The following MON2 variants were observed in gnomAD, a reference collection of about 807,000 sequenced individuals.
MON2 encodes protein MON2 homolog.
MON2 carries 84 observed loss-of-function variants against 208.6 expected under a neutral mutation model. The ratio of observed to expected loss-of-function variants is 0.40; its 90% confidence interval spans 0.34 to 0.48. The LOEUF (loss-of-function observed/expected upper bound fraction) is 0.48, where lower values mean the gene tolerates loss of function less well. Ranked by LOEUF, MON2 falls within the 20% of genes least tolerant of loss-of-function variation. The probability of loss-of-function intolerance (pLI) is 0.59; values close to 1 mark genes in which losing one functional copy is unlikely to be tolerated. For synonymous variants in MON2, 660 were observed against 694.0 expected (o/e 0.95, Z 0.77); for missense variants, 1,611 against 2,015.4 (o/e 0.80, Z 3.84).
chr12:62,557,931 TATATATA>T (rs2074032828), intron 25 of MON2, among the ~76,000 whole-genome samples: 2 of 36,882 alleles, frequency 5.4e-5, no homozygotes, highest in African/African-American at 1.2e-4. Context: ...AATAGATTTA[TATATATA>T]TATATATATA....
At chr12:62,558,454 A>T (rs1387541254) in intron 25 of MON2, among the ~76,000 whole-genome samples, 1 of 152,150 alleles carries the variant, frequency 6.6e-6, no homozygotes, top group Non-Finnish European at 1.5e-5. Flanking sequence ...GACATAAAAT[A>T]TGTTAATAGA....
At position 62,580,324 on chromosome 12, in the gene MON2, C is replaced by A. The variant is rs537449140; in HGVS notation, c.4603C>A (p.Leu1535Ile). The change falls in exon 32 of 35, where the codon CTA becomes ATA. Residue 1535 changes from leucine (L) to isoleucine (I), a missense_variant. Transcript: ENST00000393630. ...AGTTCAACTTATCAGCAATGAGATA[C>A]TACCTTATGCCAATTTTATTCCTAA... ...EVVQLISNEILPYANFIPKEF... is the reference protein window; with the variant it reads ...EVVQLISNEIIPYANFIPKEF... The A allele has an allele frequency of 4.1e-5, 66 of 1,610,390 alleles. No homozygotes were observed. The highest frequency in any genetic ancestry group is 5.3e-5 in the Non-Finnish European group (62 of 1,177,364).
intron 1 of MON2, among the ~76,000 whole-genome samples, chr12:62,469,886 A>T (rs118014242): frequency 0.013 from 207 of 16,438 alleles, no homozygotes; most frequent in Middle Eastern, 0.11. Flanking sequence ...CTATTATTTT[A>T]TTTATTTATT....
At chr12:62,538,018 T>C in intron 16 of MON2, 78 bp from the exon 17 acceptor site, 1 of 1,304,902 alleles carries the variant, frequency 7.7e-7, no homozygotes, top group South Asian at 1.3e-5. Context: ...TAGAAGTTAC[T>C]ACTGATTTTA....
intron 8 of MON2, among the ~76,000 whole-genome samples, chr12:62,522,851 C>G (rs920249080): frequency 6.6e-6 from 1 of 152,112 alleles, no homozygotes; most frequent in African/African-American, 2.4e-5. Context: ...AGGAGAGAGC[C>G]TCTCTTTTTT....
chr12:62,538,211 C>T, intron 17 of MON2, 35 bp downstream of exon 17: 1 of 1,609,344 alleles, frequency 6.2e-7, no homozygotes, highest in South Asian at 1.1e-5. Context: ...ATTAGTGCAT[C>T]CCAAAGTGTC....
At chr12:62,470,929 G>A (rs898812325) in intron 1 of MON2, among the ~76,000 whole-genome samples, 3 of 152,192 alleles carry the variant, frequency 2.0e-5, no homozygotes, top group African/African-American at 4.8e-5. Flanking sequence ...CTGAAGCAAA[G>A]AGAGCAAAGT....
chr12:62,532,056 A>G (rs1466666954), intron 11 of MON2, among the ~76,000 whole-genome samples: 1 of 152,220 alleles, frequency 6.6e-6, no homozygotes, highest in African/African-American at 2.4e-5. Flanking sequence ...GGCGTGAGCC[A>G]CCACGCCCGG....
intron 25 of MON2, chr12:62,560,185 G>C (rs773588781): frequency 5.5e-4 from 126 of 227,730 alleles, no homozygotes; most frequent in Non-Finnish European, 1.0e-3. Flanking sequence ...TAGTGGTGAA[G>C]TCTGAGATTT....
intron 23 of MON2, 52 bp from the exon 24 acceptor site, chr12:62,552,829 T>C: frequency 7.2e-7 from 1 of 1,383,122 alleles, no homozygotes; most frequent in Non-Finnish European, 1.0e-6. Context: ...CATATTTATG[T>C]GTTTAAAACA....
chr12:62,549,242 T>C (rs1468890382), intron 22 of MON2, among the ~76,000 whole-genome samples: 2 of 152,166 alleles, frequency 1.3e-5, no homozygotes, highest in Admixed American at 1.3e-4. Flanking sequence ...TTATGATCAA[T>C]ATTAGGAGTT....
At chr12:62,512,841 T>A (rs2071482729) in intron 8 of MON2, among the ~76,000 whole-genome samples, 1 of 152,208 alleles carries the variant, frequency 6.6e-6, no homozygotes, top group African/African-American at 2.4e-5. Flanking sequence ...TTTCCATACA[T>A]CTTCTGAAAT....
At chr12:62,546,840 A>C in intron 21 of MON2, 57 bp from the exon 22 acceptor site, 1 of 1,317,324 alleles carries the variant, frequency 7.6e-7, no homozygotes. Flanking sequence ...AGCAACAGTA[A>C]AGCCTTCTTG....
chr12:62,471,342 C>T (rs1433283668), intron 1 of MON2, among the ~76,000 whole-genome samples: 2 of 152,138 alleles, frequency 1.3e-5, no homozygotes, highest in Non-Finnish European at 2.9e-5. Context: ...GCCACCACAC[C>T]TGGCTAATTT....
intron 33 of MON2, chr12:62,587,725 C>G (rs1451554652): frequency 4.9e-6 from 1 of 205,950 alleles, no homozygotes; most frequent in Non-Finnish European, 9.7e-6. Context: ...AGTGACAGAG[C>G]AAGACCCTGT....
chr12:62,520,111 G>A (rs1254392462), intron 8 of MON2, among the ~76,000 whole-genome samples: 1 of 152,228 alleles, frequency 6.6e-6, no homozygotes, highest in African/African-American at 2.4e-5. Flanking sequence ...ACCACACCCT[G>A]CCGACACTTT....
chr12:62,592,778 G>T lies in MON2; in HGVS notation c.*29G>T, dbSNP rs963075790. The T allele has an allele frequency of 2.0e-6, 3 of 1,529,438 alleles. No homozygotes were observed. The African/African-American group carries it at 4.1e-5, about 21-fold the overall frequency. 94.7% of individuals were successfully genotyped at this position (1,529,438 alleles called of 1,614,324 possible). On this transcript the variant is annotated 3_prime_UTR_variant, in exon 35 of 35. Transcript: ENST00000393630. ...GCTACAATATATTTGAAAGCAGGAAGATAGTCTAAAAAATGTTTGCTCCTA... is the reference window on the plus strand; with the variant it reads ...GCTACAATATATTTGAAAGCAGGAATATAGTCTAAAAAATGTTTGCTCCTA...
chr12:62,537,376 A>G (rs3736366), intron 15 of MON2, 113 bp downstream of exon 15: 6 of 780,942 alleles, frequency 7.7e-6, no homozygotes, highest in Admixed American at 6.0e-5. Context: ...TTTTACTAGA[A>G]CTACTTTCTT....
At chr12:62,494,111 A>C in intron 3 of MON2, 69 bp downstream of exon 3, 1 of 1,326,174 alleles carries the variant, frequency 7.5e-7, no homozygotes, top group Non-Finnish European at 1.0e-6. Context: ...AGGAGAATGA[A>C]ACATACCTGA....
Sources: allele counts gnomAD v4.1 joint callset (sites outside exome capture counted in the v4.1 genomes callset), GRCh38; gene constraint gnomAD v4.1.1; transcripts MANE v1.5; gene names NCBI Gene and HGNC (gene_info 2026-07-23, HGNC 2026-07-21).